The following PARVB variants were observed in gnomAD, a reference collection of about 807,000 sequenced individuals.
PARVB encodes the protein parvin beta.
PARVB carries 46 observed loss-of-function variants against 47.0 expected under a neutral mutation model. The observed-to-expected ratio is 0.98, with a 90% CI of 0.77 to 1.25. The LOEUF (loss-of-function observed/expected upper bound fraction) is 1.25, where lower values mean the gene tolerates loss of function less well. Ranked by LOEUF, PARVB falls within the 50% of genes most tolerant of loss-of-function variation. PARVB has a pLI of 0.00. For missense variants in PARVB, 473 were observed against 471.6 expected, an observed-to-expected ratio of 1.00 and a Z score of -0.03; for synonymous variants, 196 against 196.3, an observed-to-expected ratio of 1.00 and a Z score of 0.01.
At chr22:44,105,539 G>C (rs1168723878) in intron 3 of PARVB, 1 of 152,270 alleles carries the variant, frequency 6.6e-6, no homozygotes, top group Non-Finnish European at 1.5e-5. Flanking sequence ...TGCTGGGCTT[G>C]CTGCTGCCTG....
chr22:44,122,562 C>A (rs13053556), intron 4 of PARVB, among the ~76,000 whole-genome samples: 2 of 78,786 alleles, frequency 2.5e-5, no homozygotes, highest in Non-Finnish European at 4.8e-5. Flanking sequence ...GACACAGAGA[C>A]AGAGAGAGAG....
At chr22:44,134,472 C>T (rs1267469171) in intron 6 of PARVB, among the ~76,000 whole-genome samples, 1 of 152,230 alleles carries the variant, frequency 6.6e-6, no homozygotes. Flanking sequence ...CAGGCTTGCA[C>T]TTGGGTCCAA....
chr22:44,164,845 G>A (rs1321229285), intron 12 of PARVB, among the ~76,000 whole-genome samples: 1 of 152,152 alleles, frequency 6.6e-6, no homozygotes, highest in Admixed American at 6.5e-5. Context: ...CTAGAAAATG[G>A]ATCCTGTCCC....
intron 3 of PARVB, chr22:44,104,355 T>C (rs1199358741): frequency 1.3e-5 from 2 of 152,272 alleles, no homozygotes; most frequent in African/African-American, 4.8e-5. Context: ...GGAGAGCAGC[T>C]TCGGTTTGGC....
Position 44,122,550 on chromosome 22 carries a change from GAGACAC to G in PARVB, c.376+3414_376+3419del, listed in dbSNP as rs1569134507. Among the ~76,000 whole-genome samples the G allele has an allele frequency of 6.4e-3, 581 of 90,382 alleles. 23 individuals are homozygous for G. Among genetic ancestry groups the G allele is most frequent in the African/African-American group, 0.022 (463 of 20,970 alleles). 59.3% of individuals were successfully genotyped at this position (90,382 alleles called of 152,430 possible). A position where few individuals can be genotyped will look rare whatever the true frequency, so the allele number is the denominator to read the frequency against. On this transcript the variant is annotated intron_variant, in intron 4 of 12. Coordinates refer to ENST00000338758, the MANE Select transcript of PARVB (RefSeq NM_013327.5). ...AGACAGAGAGAGAGAGAGAGAGAGA[GAGACAC>G]AGAGACAGAGAGAGAGAGAGAGAGA...
At chr22:44,107,001 C>T (rs2147085609) in intron 3 of PARVB, 1 of 152,374 alleles carries the variant, frequency 6.6e-6, no homozygotes, top group East Asian at 1.9e-4. Flanking sequence ...AACGTGACAA[C>T]CTCAAAGTGT....
At chr22:44,043,563 G>T (rs1215317423) in intron 1 of PARVB, among the ~76,000 whole-genome samples, 1 of 152,070 alleles carries the variant, frequency 6.6e-6, no homozygotes, top group Non-Finnish European at 1.5e-5. Flanking sequence ...ATTTTTCGTA[G>T]AGACAGGGTT....
chr22:44,032,206 C>T (rs1470332818), intron 1 of PARVB, among the ~76,000 whole-genome samples: 1 of 152,156 alleles, frequency 6.6e-6, no homozygotes. Context: ...CTGACATATT[C>T]AAATGAGAGC....
intron 8 of PARVB, chr22:44,147,155 A>C: frequency 5.9e-6 from 1 of 169,572 alleles, no homozygotes; most frequent in Non-Finnish European, 1.3e-5. Context: ...GGGAGGGTGC[A>C]TGTAGGAGGA....
chr22:44,001,933 A>G (rs975509560), intron 2 of PARVB, among the ~76,000 whole-genome samples: 6 of 152,228 alleles, frequency 3.9e-5, no homozygotes, highest in Non-Finnish European at 5.9e-5. Flanking sequence ...ATGTTTGAAC[A>G]CAGGGTAAAA....
At chr22:44,152,808 A>G (rs1361233133) in intron 10 of PARVB, 2 of 152,212 alleles carry the variant, frequency 1.3e-5, no homozygotes, top group African/African-American at 2.4e-5. Flanking sequence ...TGGTACAGAC[A>G]TCCCTAATGC....
intron 2 of PARVB, among the ~76,000 whole-genome samples, chr22:44,096,499 G>A (rs779721469): frequency 3.9e-5 from 6 of 152,206 alleles, no homozygotes; most frequent in African/African-American, 7.2e-5. Flanking sequence ...GCTCATAAAT[G>A]TCATCATTGT....
chr22:44,057,941 C>T lies in PARVB; in HGVS notation c.112+33490C>T, dbSNP rs147420839. ...CTTTGAGAGGGGTGGGGCTGAGAGC[C>T]GCTAGACCTGGCTTCATCCTCCTGC... On this transcript the variant is annotated intron_variant, in intron 1 of 12. Coordinates refer to ENST00000338758, the MANE Select transcript of PARVB (RefSeq NM_013327.5). Among the ~76,000 whole-genome samples, 874 of 152,088 alleles carry T rather than the reference C, an allele frequency of 5.7e-3. 9 individuals carry two copies. The highest frequency in any genetic ancestry group is 0.015 in the African/African-American group (635 of 41,474).
rs1400431840 is a variant in PARVB, at chr22:44,148,229, T to TCAG, written c.774+309_774+311dup. 30 of 412,888 alleles carry TCAG rather than the reference T, an allele frequency of 7.3e-5. No homozygotes were observed. In the East Asian group the frequency reaches 1.6e-3, roughly 22 times the overall value. The allele number at this position is 412,888 out of a possible 1,614,324, so 25.6% of individuals were successfully genotyped here. ...CAATGTGGAAATGTTTTTAAGCATGTCAGCCTGCTGCTCTCGCTGGCCTCA... is the reference window on the plus strand; with the variant it reads ...CAATGTGGAAATGTTTTTAAGCATGTCAGCAGCCTGCTGCTCTCGCTGGCCTCA... On this transcript the variant is annotated intron_variant, in intron 9 of 12. Coordinates refer to ENST00000338758, the MANE Select transcript of PARVB (RefSeq NM_013327.5).
upstream of PARVB, among the ~76,000 whole-genome samples, chr22:44,023,067 G>A (rs2050669937): frequency 6.6e-6 from 1 of 152,056 alleles, no homozygotes; most frequent in East Asian, 1.9e-4. Context: ...ACTTCTTCAA[G>A]GCTGGGGCTT....
At chr22:44,126,921 GC>G (rs1398364554) in intron 4 of PARVB, among the ~76,000 whole-genome samples, 1 of 152,180 alleles carries the variant, frequency 6.6e-6, no homozygotes, top group Non-Finnish European at 1.5e-5. Context: ...AGCCGTGGTT[GC>G]CTGTAAACCA....
intron 10 of PARVB, 134 bp downstream of exon 10, chr22:44,151,685 G>A (rs1423589727): frequency 4.3e-6 from 3 of 695,066 alleles, no homozygotes; most frequent in Admixed American, 2.1e-5. Flanking sequence ...GGTGCAGGCA[G>A]AAATAACCAC....
chr22:44,108,393 C>G (rs5764529), intron 3 of PARVB: 57,440 of 151,968 alleles, frequency 0.38, 11,156 homozygotes, highest in Middle Eastern at 0.51. Context: ...GTGGGGTCAA[C>G]TGTAGCTAGT....
chr22:44,095,505 TAAAAAAAA>T (rs111367961), intron 2 of PARVB, among the ~76,000 whole-genome samples: 2 of 127,452 alleles, frequency 1.6e-5, no homozygotes, highest in African/African-American at 5.8e-5. Flanking sequence ...CATCTCAAAG[TAAAAAAAA>T]AAAAAAGAAA....
Sources: gnomAD v4.1 joint callset for allele counts (sites outside exome capture counted in the v4.1 genomes callset) on GRCh38, gnomAD v4.1.1 for gene constraint, MANE v1.5 for transcripts, NCBI Gene and HGNC (gene_info 2026-07-23, HGNC 2026-07-21) for gene names.